SAMMSON: variants seen among roughly 807,000 people sequenced by gnomAD.
SAMMSON encodes survival associated mitochondrial melanoma specific oncogenic non-coding RNA.
chr3:70,063,094 AC>A (rs950324750), intron 3 of SAMMSON, among the ~76,000 whole-genome samples: 3 of 104,560 alleles, frequency 2.9e-5, no homozygotes, highest in Non-Finnish European at 4.1e-5. Context: ...AGCCCCCCCC[AC>A]CCCCGCCGCA....
downstream of SAMMSON, among the ~76,000 whole-genome samples, chr3:70,391,434 C>T (rs1292522186): frequency 1.3e-5 from 2 of 151,722 alleles, no homozygotes; most frequent in African/African-American, 2.4e-5. Context: ...TTTCTGGGTT[C>T]TCAAGGGTAC....
intron 4 of SAMMSON, among the ~76,000 whole-genome samples, chr3:70,118,188 C>T (rs1269853448): frequency 6.6e-6 from 1 of 152,182 alleles, no homozygotes; most frequent in African/African-American, 2.4e-5. Context: ...TCCCAAAGTG[C>T]TGGGATTACA....
intron 7 of SAMMSON, among the ~76,000 whole-genome samples, chr3:70,339,711 C>G: frequency 6.6e-6 from 1 of 152,160 alleles, no homozygotes; most frequent in Non-Finnish European, 1.5e-5. Flanking sequence ...GAGATACCAT[C>G]TCACACCAGT....
At chr3:70,224,447 G>A (rs944359411) in intron 4 of SAMMSON, among the ~76,000 whole-genome samples, 2 of 152,138 alleles carry the variant, frequency 1.3e-5, no homozygotes, top group Admixed American at 6.5e-5. Context: ...ATAAAAGGTG[G>A]CCCTTTTTTA....
At chr3:70,250,955 CTATT>C (rs1329301601) in intron 6 of SAMMSON, among the ~76,000 whole-genome samples, 12 of 152,262 alleles carry the variant, frequency 7.9e-5, no homozygotes, top group African/African-American at 2.9e-4. Flanking sequence ...GAAAGACAAA[CTATT>C]AAGTAATGAC....
intron 3 of SAMMSON, chr3:70,065,256 G>C (rs529691641): frequency 6.6e-6 from 1 of 152,096 alleles, no homozygotes; most frequent in Admixed American, 6.5e-5. Flanking sequence ...GCTGCAGGCC[G>C]TATTATGCTA....
At chr3:70,007,961 C>T (rs78278405) in intron 1 of SAMMSON, among the ~76,000 whole-genome samples, 2,918 of 151,792 alleles carry the variant, frequency 0.019, 48 homozygotes, top group Middle Eastern at 0.052. Flanking sequence ...GTTGTAGATA[C>T]GCGGCATTAT....
At chr3:70,429,309 T>C (rs1390378773) in intron 2 of SAMMSON, among the ~76,000 whole-genome samples, 2 of 152,196 alleles carry the variant, frequency 1.3e-5, no homozygotes, top group Non-Finnish European at 2.9e-5. Flanking sequence ...GCCTCTATTC[T>C]ATTCCATTGG....
chr3:70,371,957 G>C (rs1012353016), intron 9 of SAMMSON, among the ~76,000 whole-genome samples: 5 of 152,050 alleles, frequency 3.3e-5, no homozygotes, highest in South Asian at 2.1e-4. Flanking sequence ...TTTATGTGAT[G>C]TTACCTGTGA....
At chr3:70,212,344 C>A (rs1553645810) in intron 4 of SAMMSON, among the ~76,000 whole-genome samples, 1 of 152,056 alleles carries the variant, frequency 6.6e-6, no homozygotes, top group Non-Finnish European at 1.5e-5. Flanking sequence ...TTCTACTAAG[C>A]CCCTCATTCT....
At chr3:70,408,031 G>A (rs1384117888) in intron 2 of SAMMSON, among the ~76,000 whole-genome samples, 4 of 152,218 alleles carry the variant, frequency 2.6e-5, no homozygotes, top group South Asian at 2.1e-4. Context: ...AGCTGCCAAC[G>A]CTTGAGGCTT....
chr3:70,306,067 G>A (rs565244523), intron 7 of SAMMSON, among the ~76,000 whole-genome samples: 1 of 152,114 alleles, frequency 6.6e-6, no homozygotes, highest in East Asian at 1.9e-4. Flanking sequence ...AAGTTTAGAG[G>A]CATTTCCTCC....
At chr3:70,092,233 T>C (rs2067307304) in intron 4 of SAMMSON, among the ~76,000 whole-genome samples, 2 of 152,102 alleles carry the variant, frequency 1.3e-5, no homozygotes, top group Admixed American at 1.3e-4. Context: ...TGAAGCTATA[T>C]ATAGTTTTAG....
At chr3:70,098,753 C>T (rs1161327755) in intron 4 of SAMMSON, among the ~76,000 whole-genome samples, 1 of 152,128 alleles carries the variant, frequency 6.6e-6, no homozygotes, top group Non-Finnish European at 1.5e-5. Flanking sequence ...ATGTCCCTAT[C>T]ACCCTGCTTA....
In SAMMSON at chr3:70,349,189, C is replaced by T. The variant is rs1424371871; in HGVS notation, n.740-4986C>T. 3.3e-5 allele frequency among the ~76,000 whole-genome samples: 5 copies of T among 152,032 alleles called. No individual in the cohort carries two copies. In the East Asian group the frequency reaches 9.7e-4, roughly 29 times the overall value. On this transcript the variant is annotated intron_variant and non_coding_transcript_variant, in intron 7 of 9. Coordinates refer to ENST00000642114, the Ensembl canonical transcript of SAMMSON. ...CGGGATTTGAGACCAGCCTGGCCAA[C>T]ATGGTGAAACCCCATCTCTACTAAA...
At chr3:70,255,427 T>C (rs922255453) in intron 6 of SAMMSON, among the ~76,000 whole-genome samples, 1 of 121,460 alleles carries the variant, frequency 8.2e-6, no homozygotes, top group South Asian at 3.2e-4. Context: ...ATTCAGTAAT[T>C]TTTTTTTCTT....
chr3:70,051,285 A>G (rs2067145028), intron 3 of SAMMSON, among the ~76,000 whole-genome samples: 1 of 151,082 alleles, frequency 6.6e-6, no homozygotes, highest in Non-Finnish European at 1.5e-5. Flanking sequence ...CTACACTTTG[A>G]CTTCTAATTT....
At chr3:70,073,535 C>A (rs1309121243) in intron 4 of SAMMSON, among the ~76,000 whole-genome samples, 2 of 151,820 alleles carry the variant, frequency 1.3e-5, no homozygotes, top group Admixed American at 6.6e-5. Flanking sequence ...GAGAGTGTTA[C>A]AGGAACACCC....
intron 3 of SAMMSON, among the ~76,000 whole-genome samples, chr3:70,020,863 C>T (rs1407940316): frequency 1.3e-5 from 2 of 152,050 alleles, no homozygotes; most frequent in Admixed American, 6.6e-5. Context: ...TATAAACATA[C>T]CTTGTTATTT....
Sources: allele counts gnomAD v4.1 joint callset (sites outside exome capture counted in the v4.1 genomes callset), GRCh38; gene constraint gnomAD v4.1.1; transcripts MANE v1.5; gene names NCBI Gene and HGNC (gene_info 2026-07-23, HGNC 2026-07-21).